Variants in GLS observed in about 807,000 individuals in gnomAD.
The protein encoded by GLS is glutaminase.
Under a neutral mutation model 86.7 loss-of-function variants are expected in GLS, and 36 were observed. That is an observed-to-expected ratio of 0.42 (90% CI 0.32 to 0.55). The LOEUF (loss-of-function observed/expected upper bound fraction) is 0.55, where lower values mean the gene tolerates loss of function less well. Among genes scored for constraint, GLS ranks in the 20% least tolerant of loss-of-function variants. GLS has a pLI of 0.17. For synonymous variants in GLS, 317 were observed against 305.9 expected (o/e 1.04, Z -0.38); for missense variants, 528 against 833.4 (o/e 0.63, Z 4.51).
At position 190,962,551 on chromosome 2, in the gene GLS, G is replaced by A. The variant is rs959187102; in HGVS notation, c.1854-279G>A. 2.6e-5 allele frequency among the ~76,000 whole-genome samples: 4 copies of A among 152,094 alleles called. No homozygotes were observed. Among genetic ancestry groups the A allele is most frequent in the East Asian group, 1.9e-4 (1 of 5,196 alleles). ...AGTCTATTATATCTGTCACCACAAG[G>A]ACTTTCCTTAAAAAGCTCCCTCCAT... On this transcript the variant is annotated intron_variant, in intron 17 of 17. Transcript: ENST00000320717. This position sits in a 1 kb window ranked among gnomAD's most constrained non-coding sequence, Gnocchi z 4.2.
chr2:190,921,056 T>C lies in GLS; in HGVS notation c.1071T>C (p.Tyr357=). The change falls in exon 8 of 18, where the codon TAT becomes TAC. Residue 357 remains tyrosine (Y), a splice_region_variant and synonymous_variant. Coordinates refer to ENST00000320717, the MANE Select transcript of GLS (RefSeq NM_014905.5). The surrounding 1 kb of genome is among the most constrained non-coding windows in gnomAD (Gnocchi z 4.2). ...TAAATAATGCTGAAAAATTTGACTA[T>C]GTAAGTGCAACATGTCATTCAGTTT... ...QGVNNAEKFD[Y]VMQFLNKMAG... The C allele has an allele frequency of 6.3e-7, 1 of 1,585,646 alleles. No homozygotes were observed. Among genetic ancestry groups the C allele is most frequent in the Non-Finnish European group, 8.7e-7 (1 of 1,154,888 alleles).
chr2:190,886,758 A>C (rs1416670717), intron 1 of GLS, among the ~76,000 whole-genome samples: 1 of 152,142 alleles, frequency 6.6e-6, no homozygotes, highest in African/African-American at 2.4e-5. Flanking sequence ...TCTACTAAAA[A>C]TACAAAAATT....
chr2:190,936,109 A>G (rs1042670930), intron 14 of GLS, among the ~76,000 whole-genome samples: 1 of 151,226 alleles, frequency 6.6e-6, no homozygotes, highest in East Asian at 1.9e-4. Flanking sequence ...AAGGAGTTCC[A>G]GTATAATGAT....
chr2:190,903,752 T>C (rs1414834915), intron 5 of GLS, among the ~76,000 whole-genome samples: 1 of 152,208 alleles, frequency 6.6e-6, no homozygotes, highest in African/African-American at 2.4e-5. Context: ...TTTAGAATGA[T>C]TGTCAAGTTT....
At position 190,951,337 on chromosome 2, in the gene GLS, C is replaced by G. The variant is rs1690715233; in HGVS notation, c.1651-2228C>G. 6.6e-6 allele frequency among the ~76,000 whole-genome samples: 1 copy of G among 152,012 alleles called. No individual in the cohort carries two copies. Among genetic ancestry groups the G allele is most frequent in the Non-Finnish European group, 1.5e-5 (1 of 68,002 alleles). On this transcript the variant is annotated intron_variant, in intron 14 of 17. Coordinates refer to ENST00000320717, the MANE Select transcript of GLS (RefSeq NM_014905.5). This position sits in a 1 kb window ranked among gnomAD's most constrained non-coding sequence, Gnocchi z 4.2. ...TAACAATGAGTGTGAAGGTAATTTTCAGGGAATTAAAAATATACTTTCAGG... is the reference window on the plus strand; with the variant it reads ...TAACAATGAGTGTGAAGGTAATTTTGAGGGAATTAAAAATATACTTTCAGG...
At position 190,955,998 on chromosome 2, in the gene GLS, T is replaced by A. The variant is rs1223524837; in HGVS notation, c.1853+1180T>A. On this transcript the variant is annotated intron_variant, in intron 17 of 17. Coordinates refer to ENST00000320717, the MANE Select transcript of GLS (RefSeq NM_014905.5). This position sits in a 1 kb window ranked among gnomAD's most constrained non-coding sequence, Gnocchi z 5.6. ...TTTTGTTGTTGTAAATTTGCTTAAC[T>A]TCCTTGTAGATTCTGGATATTAGCC... is the stretch of plus-strand genomic sequence containing the variant. 2.0e-5 allele frequency among the ~76,000 whole-genome samples: 3 copies of A among 152,248 alleles called. No individual in the cohort carries two copies. The highest frequency in any genetic ancestry group is 4.4e-5 in the Non-Finnish European group (3 of 68,042).
At chr2:190,883,144 C>T (rs1169758234) in intron 1 of GLS, among the ~76,000 whole-genome samples, 1 of 152,144 alleles carries the variant, frequency 6.6e-6, no homozygotes, top group Non-Finnish European at 1.5e-5. Flanking sequence ...TTCTGTGATT[C>T]ACTTGTCCAG....
At position 190,951,689 on chromosome 2, in the gene GLS, G is replaced by A. The variant is rs1198315261; in HGVS notation, c.1651-1876G>A. 1.3e-5 allele frequency among the ~76,000 whole-genome samples: 2 copies of A among 152,008 alleles called. No individual in the cohort carries two copies. Among genetic ancestry groups the A allele is most frequent in the Non-Finnish European group, 2.9e-5 (2 of 68,008 alleles). ...GGTATTAAAGGCCTGAAGAAAGTAT[G>A]GCGGGAACCAACAAGAAAAAAAAAT... On this transcript the variant is annotated intron_variant, in intron 14 of 17. Transcript: ENST00000320717. The surrounding 1 kb of genome is among the most constrained non-coding windows in gnomAD (Gnocchi z 4.2).
rs1265851171 is a variant in GLS, at chr2:190,881,353, C to T, written c.269C>T (p.Pro90Leu). 2.6e-6 allele frequency: 4 copies of T among 1,537,664 alleles called. No homozygotes were observed. The East Asian group carries it at 1.0e-4, about 39-fold the overall frequency. Residue 90 changes from proline to leucine, a missense_variant, in exon 1 of 18, where the codon CCG becomes CTG. Around this residue, in one of 4 missense-constraint regions of GLS, gnomAD observed 224 missense variants for 187.9 expected, o/e 1.19. Transcript: ENST00000320717. ...LQELGKGSTH[P>L]QPGVSPPAAP... Reference sequence around the variant, plus strand: ...GAGCTGGGCAAGGGGAGCACGCATCCGCAGCCCGGGGTGTCGCCACCCGCT... The same window carrying T: ...GAGCTGGGCAAGGGGAGCACGCATCTGCAGCCCGGGGTGTCGCCACCCGCT...
chr2:190,950,434 A>G (rs1046486390), intron 14 of GLS, among the ~76,000 whole-genome samples: 1 of 152,220 alleles, frequency 6.6e-6, no homozygotes, highest in African/African-American at 2.4e-5. Context: ...GAGAAGTGAT[A>G]GGATTCCAAA....
chr2:190,899,626 G>T (rs1688869819), intron 3 of GLS, among the ~76,000 whole-genome samples: 2 of 152,050 alleles, frequency 1.3e-5, no homozygotes, highest in Admixed American at 1.3e-4. Flanking sequence ...TGTTTAGCAA[G>T]TCTTCCTTTG....
chr2:190,921,100 AT>A lies in GLS; in HGVS notation c.1072-44del. On this transcript the variant is annotated intron_variant, in intron 8 of 17. Transcript: ENST00000320717. This position sits in a 1 kb window ranked among gnomAD's most constrained non-coding sequence, Gnocchi z 4.2. The stretch of plus-strand genomic sequence containing the variant: ...TCAGTTTTCATGCCACATTCTCTAT[AT>A]ATTTGTTTTTTGATTACTAATATTC... 2.0e-5 allele frequency: 31 copies of A among 1,578,074 alleles called. No homozygotes were observed. The highest frequency in any genetic ancestry group is 2.7e-5 in the Non-Finnish European group (31 of 1,147,884).
chr2:190,927,392 A>G lies in GLS; in HGVS notation c.1335A>G (p.Glu445=), dbSNP rs532013340. 80 of 1,613,928 alleles carry G rather than the reference A, an allele frequency of 5.0e-5. 1 individual carries two copies. In the South Asian group the frequency reaches 8.5e-4, roughly 17 times the overall value. Residue 445 remains glutamate (E), a synonymous_variant, in exon 12 of 18, where the codon GAA becomes GAG. Coordinates refer to ENST00000320717, the MANE Select transcript of GLS (RefSeq NM_014905.5). ...ANGGFCPITG[E]RVLSPEAVRN... ...GTGGTTTCTGCCCAATTACTGGTGA[A>G]AGAGTACTGAGCCCTGAAGCAGTTC...
Position 190,920,977 on chromosome 2 carries a change from G to C in GLS, c.1039-47G>C, listed in dbSNP as rs749595553. 7 of 997,496 alleles carry C rather than the reference G, an allele frequency of 7.0e-6. No homozygotes were observed. In the Admixed American group the frequency reaches 1.2e-4, roughly 17 times the overall value. The allele number at this position is 997,496 out of a possible 1,614,324, so 61.8% of individuals were successfully genotyped here. A position where few individuals can be genotyped will look rare whatever the true frequency, so the allele number is the denominator to read the frequency against. ...TTTGATATTGGCTTGAAACTTAACT[G>C]TAGTGGTACCTATATTAACGTATTT... On this transcript the variant is annotated intron_variant, in intron 7 of 17. Transcript: ENST00000320717. This position sits in a 1 kb window ranked among gnomAD's most constrained non-coding sequence, Gnocchi z 4.2.
intron 1 of GLS, among the ~76,000 whole-genome samples, chr2:190,886,535 G>A (rs897586940): frequency 1.1e-4 from 17 of 152,268 alleles, no homozygotes; most frequent in African/African-American, 3.4e-4. Context: ...GGGAGGGGGG[G>A]CACTATTTTA....
At chr2:190,961,739 A>C (rs1422354155) in intron 17 of GLS, among the ~76,000 whole-genome samples, 1 of 131,062 alleles carries the variant, frequency 7.6e-6, no homozygotes, top group African/African-American at 2.9e-5. Context: ...AGTTTTACTT[A>C]CCTGATTTTA....
At position 190,927,496 on chromosome 2, in the gene GLS, T is replaced by A. The variant is rs376709869; in HGVS notation, c.1425+14T>A. On this transcript the variant is annotated intron_variant, in intron 12 of 17. Coordinates refer to ENST00000320717, the MANE Select transcript of GLS (RefSeq NM_014905.5). ...TTTGCTTTCCATGTAAGTAATTGTT[T>A]AATCTTATTTTCTCTGGCAAGAAAC... is the stretch of plus-strand genomic sequence containing the variant. 3 of 1,574,640 alleles carry A rather than the reference T, an allele frequency of 1.9e-6. No homozygotes were observed. The highest frequency in any genetic ancestry group is 2.7e-5 in the African/African-American group (2 of 72,970).
At chr2:190,931,354 A>G (rs1179835121) in intron 13 of GLS, among the ~76,000 whole-genome samples, 191 bp from the exon 14 acceptor site, 3 of 152,154 alleles carry the variant, frequency 2.0e-5, no homozygotes, top group Non-Finnish European at 4.4e-5. Flanking sequence ...CATGTTAGTA[A>G]GCAGTGTTCT....
intron 1 of GLS, among the ~76,000 whole-genome samples, chr2:190,884,979 T>C (rs74809942): frequency 0.12 from 17,641 of 152,272 alleles, 1,440 homozygotes; most frequent in Admixed American, 0.27. Flanking sequence ...GATGTTTGCA[T>C]ATCTACATGA....
Sources: gnomAD v4.1 joint callset for allele counts (sites outside exome capture counted in the v4.1 genomes callset) on GRCh38, gnomAD v4.1.1 for gene constraint, gnomAD v4.1.1 regional missense constraint, Gnocchi (gnomAD v3.1) non-coding constraint, MANE v1.5 for transcripts, NCBI Gene and HGNC (gene_info 2026-07-23, HGNC 2026-07-21) for gene names.